AAK1: variants seen among roughly 807,000 people sequenced by gnomAD.
AAK1 encodes AP2 associated kinase 1, also known as AP2-associated protein kinase 1.
AAK1 carries 37 observed loss-of-function variants against 116.0 expected under a neutral mutation model. That is an observed-to-expected ratio of 0.32 (90% confidence interval 0.25 to 0.42). The LOEUF is 0.42. Ranked by LOEUF, AAK1 falls within the 10% of genes least tolerant of loss-of-function variation. AAK1 has a pLI of 1.00. For missense variants in AAK1, 919 were observed against 1,170.6 expected, an observed-to-expected ratio of 0.79 and a Z score of 3.14; for synonymous variants, 458 against 439.9, an observed-to-expected ratio of 1.04 and a Z score of -0.51.
chr2:69,487,289 G>C (rs1675333211), intron 17 of AAK1, among the ~76,000 whole-genome samples: 1 of 152,216 alleles, frequency 6.6e-6, no homozygotes, highest in African/African-American at 2.4e-5. Flanking sequence ...CCTTCCATCT[G>C]CATCAAGGGC....
chr2:69,517,500 T>C (rs1402953183), intron 12 of AAK1, among the ~76,000 whole-genome samples: 1 of 151,902 alleles, frequency 6.6e-6, no homozygotes, highest in Non-Finnish European at 1.5e-5. Context: ...GGAAACGCAG[T>C]CTTCAGGGAA....
chr2:69,507,370 G>C, intron 15 of AAK1, 51 bp downstream of exon 15: 2 of 1,579,034 alleles, frequency 1.3e-6, no homozygotes, highest in East Asian at 4.5e-5. Flanking sequence ...TTATTTCTTA[G>C]CACAGAGAAT....
chr2:69,521,232 C>G (rs1669762732), intron 10 of AAK1, among the ~76,000 whole-genome samples: 1 of 152,196 alleles, frequency 6.6e-6, no homozygotes, highest in South Asian at 2.1e-4. Flanking sequence ...TCTAGCAGAA[C>G]TTTTCATGTG....
chr2:69,481,930 C>T (rs1245492124), intron 18 of AAK1: 1 of 152,220 alleles, frequency 6.6e-6, no homozygotes, highest in African/African-American at 2.4e-5. Flanking sequence ...CTCAGCCTCC[C>T]AAAGAGCTGG....
At chr2:69,494,895 T>C (rs1466365239) in intron 17 of AAK1, among the ~76,000 whole-genome samples, 1 of 152,096 alleles carries the variant, frequency 6.6e-6, no homozygotes, top group Non-Finnish European at 1.5e-5. Context: ...AAATAAAAAA[T>C]AAAAACTGCC....
At chr2:69,500,664 A>AATATATAT (rs34635707) in intron 16 of AAK1, among the ~76,000 whole-genome samples, 1,687 of 60,496 alleles carry the variant, frequency 0.028, 96 homozygotes, top group Non-Finnish European at 0.042. Flanking sequence ...AGTCCCTTAA[A>AATATATAT]ATATATATAT....
chr2:69,596,301 AC>A (rs1673283888), intron 2 of AAK1, among the ~76,000 whole-genome samples: 3 of 150,638 alleles, frequency 2.0e-5, no homozygotes, highest in Admixed American at 2.0e-4. Flanking sequence ...GCTCACTGAG[AC>A]CTTGGCCTCC....
intron 1 of AAK1, 135 bp downstream of exon 1, chr2:69,643,440 G>A (rs1675843448): frequency 3.4e-6 from 4 of 1,190,810 alleles, no homozygotes; most frequent in African/African-American, 1.6e-5. Context: ...CCCAGAACCC[G>A]GGACCCCCGA....
rs1436025728 is a variant in AAK1 at position 69,465,875 on chromosome 2, CG to C, written c.*9993del. The C allele has an allele frequency of 1.0e-5, 13 of 1,290,702 alleles. No homozygotes were observed. In the Admixed American group the frequency reaches 3.0e-4, roughly 30 times the overall value. The allele number at this position is 1,290,702 out of a possible 1,614,324, so 80.0% of individuals were successfully genotyped here. A position where few individuals can be genotyped will look rare whatever the true frequency, so the allele number is the denominator to read the frequency against. ...AGGTGTACACAGCTCTCTCACGGCC[CG>C]CGGGCAGGGGGACATCACCTGTCTG... is the stretch of plus-strand genomic sequence containing the variant. On this transcript the variant is annotated 3_prime_UTR_variant, in exon 22 of 22. Coordinates refer to ENST00000409085, the MANE Select transcript of AAK1 (RefSeq NM_014911.5).
At chr2:69,510,231 G>C (rs1302474988) in intron 13 of AAK1, among the ~76,000 whole-genome samples, 1 of 152,122 alleles carries the variant, frequency 6.6e-6, no homozygotes, top group South Asian at 2.1e-4. Context: ...CCCAGCGTCT[G>C]TTGTTTCCCT....
intron 17 of AAK1, among the ~76,000 whole-genome samples, chr2:69,494,945 A>G (rs1239071848): frequency 2.0e-5 from 3 of 152,306 alleles, no homozygotes; most frequent in Admixed American, 2.0e-4. Context: ...GATGGTGGGC[A>G]GACTTGGTAA....
Position 69,470,530 on chromosome 2 carries a change from A to G in AAK1, c.*5339T>C. The stretch of plus-strand genomic sequence containing the variant: ...ATGGCCAGCTGTGCCTCTCAGGCCA[A>G]TGAGGCAATTAAATGAGTGAGTTTT... On this transcript the variant is annotated 3_prime_UTR_variant, in exon 22 of 22. Coordinates refer to ENST00000409085, the MANE Select transcript of AAK1 (RefSeq NM_014911.5). The G allele has an allele frequency of 1.0e-6, 1 of 985,476 alleles. No individual in the cohort carries two copies. The highest frequency in any genetic ancestry group is 1.2e-6 in the Non-Finnish European group (1 of 829,938). The allele number at this position is 985,476 out of a possible 1,614,324, so 61.0% of individuals were successfully genotyped here. A position where few individuals can be genotyped will look rare whatever the true frequency, so the allele number is the denominator to read the frequency against.
At chr2:69,529,944 AT>A (rs1670184215) in intron 8 of AAK1, 63 bp downstream of exon 8, 1 of 1,354,772 alleles carries the variant, frequency 7.4e-7, no homozygotes, top group South Asian at 1.5e-5. Flanking sequence ...TAATCCCTTT[AT>A]CCCCCAATTC....
At chr2:69,531,725 A>G (rs976927309) in intron 6 of AAK1, 1 of 1,053,112 alleles carries the variant, frequency 9.5e-7, no homozygotes, top group Non-Finnish European at 1.1e-6. Context: ...ACATGCTAGT[A>G]CTTTTACGGT....
At chr2:69,481,254 G>A (rs1675077375) in intron 18 of AAK1, 1 of 250,684 alleles carries the variant, frequency 4.0e-6, no homozygotes, top group Non-Finnish European at 7.9e-6. Flanking sequence ...TGCTCTGAAT[G>A]TCTAGGCTTC....
chr2:69,626,294 T>C (rs2105248551), intron 2 of AAK1, among the ~76,000 whole-genome samples: 1 of 151,846 alleles, frequency 6.6e-6, no homozygotes. Context: ...AATTCTGCCC[T>C]GATTCAGCAT....
chr2:69,600,290 G>GC (rs1382974938), intron 2 of AAK1, among the ~76,000 whole-genome samples: 1 of 133,520 alleles, frequency 7.5e-6, no homozygotes, highest in Non-Finnish European at 1.6e-5. Context: ...ATCTGTCTCA[G>GC]TTTTTTTTTT....
At chr2:69,485,938 T>C (rs1435932586) in intron 17 of AAK1, among the ~76,000 whole-genome samples, 1 of 151,636 alleles carries the variant, frequency 6.6e-6, no homozygotes, top group African/African-American at 2.4e-5. Flanking sequence ...GGATTACAGA[T>C]GTGAGTCACT....
At position 69,470,204 on chromosome 2, in the gene AAK1, C is replaced by G. The variant is rs1367554608; in HGVS notation, c.*5665G>C. ...CTGAAAGAACGGTTACAGGGAGTATCAAAGATATGATTCTTGCCAAAAACA... is the reference window on the plus strand; with the variant it reads ...CTGAAAGAACGGTTACAGGGAGTATGAAAGATATGATTCTTGCCAAAAACA... On this transcript the variant is annotated 3_prime_UTR_variant, in exon 22 of 22. Transcript: ENST00000409085. 3 of 985,224 alleles carry G rather than the reference C, an allele frequency of 3.0e-6. No individual in the cohort carries two copies. The highest frequency in any genetic ancestry group is 5.2e-4 in the Middle Eastern group (1 of 1,936). The allele number at this position is 985,224 out of a possible 1,614,324, so 61.0% of individuals were successfully genotyped here.
Sources: gnomAD v4.1 joint callset for allele counts (sites outside exome capture counted in the v4.1 genomes callset) on GRCh38, gnomAD v4.1.1 for gene constraint, MANE v1.5 for transcripts, NCBI Gene and HGNC (gene_info 2026-07-23, HGNC 2026-07-21) for gene names.